Variants in PARD3B observed in about 807,000 individuals in gnomAD.
The protein encoded by PARD3B is partitioning defective 3 homolog B.
Under a neutral mutation model 130.2 loss-of-function variants are expected in PARD3B, and 103 were observed. The observed-to-expected ratio is 0.79, with a 90% CI of 0.67 to 0.93. PARD3B has a LOEUF of 0.93. Among genes scored for constraint, PARD3B ranks in the 40% least tolerant of loss-of-function variants. PARD3B has a pLI of 0.00. For missense variants in PARD3B, 1,609 were observed against 1,499.2 expected (o/e 1.07, Z -1.21); for synonymous variants, 583 against 553.2 (o/e 1.05, Z -0.76).
intron 3 of PARD3B, among the ~76,000 whole-genome samples, chr2:205,018,373 A>G (rs1483023985): frequency 6.6e-6 from 1 of 152,146 alleles, no homozygotes; most frequent in Non-Finnish European, 1.5e-5. Flanking sequence ...TGTGATCATG[A>G]AATCTGGGAA....
intron 16 of PARD3B, among the ~76,000 whole-genome samples, chr2:205,289,292 A>G (rs1184095694): frequency 6.6e-6 from 1 of 152,146 alleles, no homozygotes; most frequent in Admixed American, 6.6e-5. Context: ...ATGAATAGGG[A>G]AGCAGAAATC....
intron 2 of PARD3B, among the ~76,000 whole-genome samples, chr2:204,708,532 A>G (rs1295635639): frequency 6.6e-6 from 1 of 152,200 alleles, no homozygotes; most frequent in East Asian, 1.9e-4. Flanking sequence ...AAATCCTGAT[A>G]ATAGTGAAAT....
intron 1 of PARD3B, among the ~76,000 whole-genome samples, chr2:204,645,785 G>T (rs1038259186): frequency 6.6e-6 from 1 of 152,062 alleles, no homozygotes. Flanking sequence ...TTAAAAGAAG[G>T]CAATTTCCAA....
rs1297113562 is a variant in PARD3B at position 205,206,102 on chromosome 2, T to C, written c.2140+12782T>C. On this transcript the variant is annotated intron_variant, in intron 15 of 22. Transcript: ENST00000406610. ...GGGCTTTTTTTTGGTTAGTAGGCTA[T>C]TAATTACTGCCTCAATTTCATAAAG... 2.0e-5 allele frequency among the ~76,000 whole-genome samples: 3 copies of C among 152,156 alleles called. No individual in the cohort carries two copies. In the East Asian group the frequency reaches 5.8e-4, roughly 29 times the overall value.
chr2:204,990,624 T>A (rs1412546425), intron 3 of PARD3B, among the ~76,000 whole-genome samples: 1 of 150,956 alleles, frequency 6.6e-6, no homozygotes, highest in African/African-American at 2.5e-5. Context: ...GTAGATTGTA[T>A]CTGTCTGTGT....
rs2035230648 is a variant in PARD3B at position 204,645,191 on chromosome 2, T to G, written c.121-40990T>G. Among the ~76,000 whole-genome samples the G allele has an allele frequency of 2.0e-5, 3 of 152,172 alleles. 1 individual carries two copies. The South Asian group carries it at 6.2e-4, about 31-fold the overall frequency. The stretch of plus-strand genomic sequence containing the variant: ...TGGAAGCAAACTGAGTATTACTCAC[T>G]TCATTGGCTCTATGGTATTTACTTA... On this transcript the variant is annotated intron_variant, in intron 1 of 22. Transcript: ENST00000406610.
chr2:204,665,861 T>C (rs1001820112), intron 1 of PARD3B, among the ~76,000 whole-genome samples: 18 of 152,216 alleles, frequency 1.2e-4, no homozygotes, highest in African/African-American at 3.9e-4. Context: ...GGGCTGTATA[T>C]GTGATATAGC....
chr2:204,930,036 A>G (rs1575335610), intron 2 of PARD3B, among the ~76,000 whole-genome samples: 1 of 152,016 alleles, frequency 6.6e-6, no homozygotes, highest in South Asian at 2.1e-4. Context: ...TATTTTTTTA[A>G]TAATAATTCT....
intron 15 of PARD3B, among the ~76,000 whole-genome samples, chr2:205,224,546 C>T (rs1260451440): frequency 6.8e-6 from 1 of 147,746 alleles, no homozygotes; most frequent in African/African-American, 2.5e-5. Context: ...CCAGAAGCCC[C>T]CCGCCCCCAA....
chr2:205,151,885 G>T (rs1559488497), intron 10 of PARD3B, among the ~76,000 whole-genome samples: 3 of 152,156 alleles, frequency 2.0e-5, no homozygotes, highest in Admixed American at 1.3e-4. Flanking sequence ...GCATGTTTTT[G>T]CAGTGGCTGG....
At chr2:204,962,911 A>T (rs1242223175) in intron 2 of PARD3B, among the ~76,000 whole-genome samples, 1 of 152,192 alleles carries the variant, frequency 6.6e-6, no homozygotes. Flanking sequence ...AGAGCTTATG[A>T]GATTTGGGGA....
chr2:204,829,762 G>A (rs1160451389), intron 2 of PARD3B, among the ~76,000 whole-genome samples: 1 of 152,100 alleles, frequency 6.6e-6, no homozygotes, highest in African/African-American at 2.4e-5. Flanking sequence ...CACTTTGGGA[G>A]GCCGAGGTGG....
intron 2 of PARD3B, among the ~76,000 whole-genome samples, chr2:204,856,853 T>C (rs2044965213): frequency 6.6e-6 from 1 of 152,162 alleles, no homozygotes. Flanking sequence ...TAGATTTCTT[T>C]CTGGGTTTTC....
chr2:205,133,276 G>A (rs1010760736), intron 10 of PARD3B, among the ~76,000 whole-genome samples: 6 of 152,104 alleles, frequency 3.9e-5, no homozygotes, highest in Non-Finnish European at 5.9e-5. Flanking sequence ...AAATGTTAGC[G>A]GTATTTTTAC....
At position 205,549,241 on chromosome 2, in the gene PARD3B, G is replaced by T. The variant is rs149631897; in HGVS notation, c.3181-4083G>T. Among the ~76,000 whole-genome samples the T allele has an allele frequency of 1.5e-3, 234 of 152,206 alleles. 1 individual carries two copies. The highest frequency in any genetic ancestry group is 5.2e-3 in the African/African-American group (215 of 41,548). ...AGAAGACAATTTGGTGGTTTCTTGC[G>T]AAACTAAACATAGTCTCACCATATG... On this transcript the variant is annotated intron_variant, in intron 21 of 22. Transcript: ENST00000406610.
intron 2 of PARD3B, among the ~76,000 whole-genome samples, chr2:204,794,588 T>C (rs775966313): frequency 5.9e-5 from 9 of 152,320 alleles, no homozygotes; most frequent in East Asian, 1.9e-4. Context: ...CAGTGTATAA[T>C]TGTAGATATA....
intron 1 of PARD3B, among the ~76,000 whole-genome samples, chr2:204,667,702 G>A (rs2036088746): frequency 6.6e-6 from 1 of 152,092 alleles, no homozygotes; most frequent in Admixed American, 6.5e-5. Context: ...GCCTTCCATG[G>A]GGGAGTCACA....
At chr2:204,886,499 T>C (rs1223724594) in intron 2 of PARD3B, among the ~76,000 whole-genome samples, 1 of 152,236 alleles carries the variant, frequency 6.6e-6, no homozygotes, top group Non-Finnish European at 1.5e-5. Flanking sequence ...TGAATTATTC[T>C]TTAGTCTATG....
At chr2:204,730,542 C>G (rs535103658) in intron 2 of PARD3B, among the ~76,000 whole-genome samples, 1 of 148,082 alleles carries the variant, frequency 6.8e-6, no homozygotes, top group East Asian at 2.0e-4. Context: ...TACCATCCTC[C>G]TAAAAGCAAT....
Sources: allele counts gnomAD v4.1 joint callset (sites outside exome capture counted in the v4.1 genomes callset), GRCh38; gene constraint gnomAD v4.1.1; transcripts MANE v1.5; gene names NCBI Gene and HGNC (gene_info 2026-07-23, HGNC 2026-07-21).